Variants in RPH3A observed in about 807,000 individuals in gnomAD.
RPH3A encodes the protein rabphilin-3A.
A neutral mutation model predicts 102.2 loss-of-function variants in RPH3A; 48 were observed. The ratio of observed to expected loss-of-function variants is 0.47; its 90% CI spans 0.37 to 0.60. The LOEUF (loss-of-function observed/expected upper bound fraction) is 0.60. Ranked by LOEUF, RPH3A falls within the 20% of genes least tolerant of loss-of-function variation. The pLI is 0.00. For synonymous variants in RPH3A, 310 were observed against 324.3 expected, an observed-to-expected ratio of 0.96 and a Z score of 0.47; for missense variants, 781 against 910.1, an observed-to-expected ratio of 0.86 and a Z score of 1.83.
chr12:112,827,157 C>A (rs1218194759), intron 2 of RPH3A, among the ~76,000 whole-genome samples: 1 of 152,142 alleles, frequency 6.6e-6, no homozygotes, highest in African/African-American at 2.4e-5. Context: ...GTGGATCCAT[C>A]ACCATCATCA....
intron 1 of RPH3A, among the ~76,000 whole-genome samples, chr12:112,603,795 A>T (rs2039574539): frequency 6.6e-6 from 1 of 152,034 alleles, no homozygotes; most frequent in Non-Finnish European, 1.5e-5. Context: ...TCCCAGTCTC[A>T]TTTTTCTTCG....
chr12:112,710,037 T>C (rs1010985333), intron 1 of RPH3A, among the ~76,000 whole-genome samples: 3 of 152,054 alleles, frequency 2.0e-5, no homozygotes, highest in Non-Finnish European at 2.9e-5. Context: ...TGCAGTGGCA[T>C]GATCTCGGCT....
At chr12:112,643,681 A>C (rs993894686) in intron 1 of RPH3A, among the ~76,000 whole-genome samples, 4 of 152,232 alleles carry the variant, frequency 2.6e-5, no homozygotes, top group African/African-American at 9.6e-5. Context: ...ATTTGGGTAC[A>C]AATGGTTTAT....
At chr12:112,880,493 A>G (rs1406938373) in intron 14 of RPH3A, among the ~76,000 whole-genome samples, 2 of 152,216 alleles carry the variant, frequency 1.3e-5, no homozygotes, top group Non-Finnish European at 2.9e-5. Context: ...CTGAGCTCAC[A>G]CAGCTGGTAA....
At chr12:112,790,551 G>T (rs1202631877), upstream of RPH3A, among the ~76,000 whole-genome samples, 3 of 152,102 alleles carry the variant, frequency 2.0e-5, no homozygotes, top group Non-Finnish European at 2.9e-5. Flanking sequence ...AGCAGATCTT[G>T]GTCTGTTTGA....
chr12:112,779,220 TG>T (rs2040989679), intron 1 of RPH3A, among the ~76,000 whole-genome samples: 1 of 152,174 alleles, frequency 6.6e-6, no homozygotes, highest in Non-Finnish European at 1.5e-5. Flanking sequence ...GAAAGAAGGC[TG>T]GGAGCGAGTG....
At chr12:112,814,338 T>G (rs957459807) in intron 2 of RPH3A, among the ~76,000 whole-genome samples, 2 of 152,090 alleles carry the variant, frequency 1.3e-5, no homozygotes, top group African/African-American at 2.4e-5. Flanking sequence ...ACTTGAGCCA[T>G]TCCTTTTCAA....
chr12:112,600,356 C>G (rs551251126), intron 1 of RPH3A, among the ~76,000 whole-genome samples: 3 of 152,264 alleles, frequency 2.0e-5, no homozygotes, highest in East Asian at 1.9e-4. Flanking sequence ...CGATAACAAC[C>G]ATGACAATTT....
intron 1 of RPH3A, among the ~76,000 whole-genome samples, chr12:112,753,229 A>C (rs2040797618): frequency 1.3e-5 from 2 of 152,032 alleles, no homozygotes; most frequent in African/African-American, 4.8e-5. Context: ...ACCCCTCCCA[A>C]AGGTGAGGGA....
chr12:112,793,381 T>C (rs1198388050), intron 2 of RPH3A, among the ~76,000 whole-genome samples: 1 of 152,250 alleles, frequency 6.6e-6, no homozygotes, highest in African/African-American at 2.4e-5. Context: ...ATTTCCTTTT[T>C]AGATTCTTGC....
intron 1 of RPH3A, among the ~76,000 whole-genome samples, chr12:112,777,526 G>A (rs1056824567): frequency 6.6e-6 from 1 of 152,196 alleles, no homozygotes; most frequent in Non-Finnish European, 1.5e-5. Flanking sequence ...GAACACGTAG[G>A]TGCCTCTGCT....
At chr12:112,704,151 T>G (rs1284473325) in intron 1 of RPH3A, among the ~76,000 whole-genome samples, 2 of 151,796 alleles carry the variant, frequency 1.3e-5, no homozygotes, top group Non-Finnish European at 1.5e-5. Flanking sequence ...TGCAGTGGCA[T>G]GATCTCAACT....
rs1308459441 is a variant in RPH3A at position 112,883,420 on chromosome 12, G to A, written c.1436+18G>A. 2 of 1,594,746 alleles carry A rather than the reference G, an allele frequency of 1.3e-6. No individual in the cohort carries two copies. Among genetic ancestry groups the A allele is most frequent in the Non-Finnish European group, 1.7e-6 (2 of 1,163,456 alleles). ...ACCCTCAGGTACCTGGCAGGCAGAG[G>A]GCAGAGAGGGAGGCAAAGGGGAGAC... is the stretch of plus-strand genomic sequence containing the variant. On this transcript the variant is annotated intron_variant, in intron 16 of 21. Transcript: ENST00000389385.
chr12:112,888,653 A>G (rs1593132069), intron 17 of RPH3A, among the ~76,000 whole-genome samples: 1 of 152,240 alleles, frequency 6.6e-6, no homozygotes, highest in Admixed American at 6.5e-5. Flanking sequence ...ATGTGATAAT[A>G]CATATGAAGT....
chr12:112,603,507 T>A (rs1470592568), intron 1 of RPH3A, among the ~76,000 whole-genome samples: 1 of 152,130 alleles, frequency 6.6e-6, no homozygotes, highest in Non-Finnish European at 1.5e-5. Flanking sequence ...CTAGGTATAA[T>A]GCTTGTATAT....
chr12:112,779,046 A>G (rs895381759), intron 1 of RPH3A, among the ~76,000 whole-genome samples: 4 of 152,208 alleles, frequency 2.6e-5, no homozygotes, highest in Non-Finnish European at 5.9e-5. Flanking sequence ...AAGGTAGCAG[A>G]AAGTCTTTGG....
intron 1 of RPH3A, among the ~76,000 whole-genome samples, chr12:112,607,875 A>T (rs1489147355): frequency 2.0e-5 from 3 of 152,164 alleles, no homozygotes; most frequent in African/African-American, 7.2e-5. Context: ...TTTATGGCGA[A>T]CCAGAAGGCA....
intron 1 of RPH3A, among the ~76,000 whole-genome samples, chr12:112,748,450 C>T (rs1446575095): frequency 1.3e-5 from 2 of 152,190 alleles, no homozygotes; most frequent in African/African-American, 2.4e-5. Context: ...CCTCCTGCTT[C>T]AGCCTCCTGA....
At chr12:112,673,333 T>C (rs1347947595) in intron 1 of RPH3A, among the ~76,000 whole-genome samples, 1 of 152,148 alleles carries the variant, frequency 6.6e-6, no homozygotes, top group African/African-American at 2.4e-5. Flanking sequence ...CATTTATCTA[T>C]TTATTTTATT....
Sources: gnomAD v4.1 joint callset for allele counts (sites outside exome capture counted in the v4.1 genomes callset) on GRCh38, gnomAD v4.1.1 for gene constraint, MANE v1.5 for transcripts, NCBI Gene and HGNC (gene_info 2026-07-23, HGNC 2026-07-21) for gene names.